The following CREB3L1 variants were observed in gnomAD, a reference collection of about 807,000 sequenced individuals.
CREB3L1 encodes cAMP responsive element binding protein 3 like 1, also known as cyclic AMP-responsive element-binding protein 3-like protein 1.
Under a neutral mutation model 54.5 loss-of-function variants are expected in CREB3L1, and 33 were observed. The observed-to-expected ratio is 0.61, with a 90% CI of 0.46 to 0.81. The LOEUF (loss-of-function observed/expected upper bound fraction) is 0.81. Ranked by LOEUF, CREB3L1 falls within the 30% of genes least tolerant of loss-of-function variation. CREB3L1 has a pLI of 0.00. For missense variants in CREB3L1, 656 were observed against 673.3 expected, an observed-to-expected ratio of 0.97 and a Z score of 0.29; for synonymous variants, 284 against 286.4, an observed-to-expected ratio of 0.99 and a Z score of 0.08.
At chr11:46,287,431 T>C (rs1459508459) in intron 1 of CREB3L1, among the ~76,000 whole-genome samples, 2 of 152,104 alleles carry the variant, frequency 1.3e-5, no homozygotes, top group African/African-American at 4.8e-5. Flanking sequence ...CCTGAGTAGC[T>C]AGGACTACAG....
chr11:46,296,112 G>A (rs1002494141), intron 1 of CREB3L1, among the ~76,000 whole-genome samples: 1 of 152,190 alleles, frequency 6.6e-6, no homozygotes, highest in African/African-American at 2.4e-5. Flanking sequence ...CTCCCCTGAA[G>A]TTCGTGAACT....
At chr11:46,301,157 G>A (rs1369860959) in intron 2 of CREB3L1, among the ~76,000 whole-genome samples, 2 of 149,388 alleles carry the variant, frequency 1.3e-5, no homozygotes, top group East Asian at 2.0e-4. Context: ...TGACAAGAGC[G>A]AAACTCCGTC....
chr11:46,304,540 G>A (rs1939350713), intron 2 of CREB3L1, among the ~76,000 whole-genome samples: 1 of 152,168 alleles, frequency 6.6e-6, no homozygotes, highest in Non-Finnish European at 1.5e-5. Flanking sequence ...AGAAGTGTGA[G>A]CTGCGTCTGA....
intron 1 of CREB3L1, among the ~76,000 whole-genome samples, chr11:46,298,583 C>A (rs1025898935): frequency 6.6e-6 from 1 of 152,008 alleles, no homozygotes; most frequent in East Asian, 1.9e-4. Flanking sequence ...CCTGTAGTCC[C>A]GGCTGCTTGG....
chr11:46,312,847 A>G lies in CREB3L1; in HGVS notation c.963-4A>G. On this transcript the variant is annotated splice_region_variant and splice_polypyrimidine_tract_variant and intron_variant, in intron 7 of 11. Coordinates refer to ENST00000621158, the MANE Select transcript of CREB3L1 (RefSeq NM_052854.4). Reference sequence around the variant, plus strand: ...CTGAGCCTGTGCCTGCTTGGCCCCTACAGGGTGGAGACATTTACATCTGAG... The same window carrying G: ...CTGAGCCTGTGCCTGCTTGGCCCCTGCAGGGTGGAGACATTTACATCTGAG... The G allele has an allele frequency of 6.3e-7, 1 of 1,588,878 alleles. No homozygotes were observed. Among genetic ancestry groups the G allele is most frequent in the Middle Eastern group, 1.7e-4 (1 of 6,036 alleles).
intron 2 of CREB3L1, among the ~76,000 whole-genome samples, chr11:46,301,933 A>C (rs1413302109): frequency 6.6e-6 from 1 of 152,102 alleles, no homozygotes; most frequent in Non-Finnish European, 1.5e-5. Flanking sequence ...CCTGGGTGAC[A>C]GAGTGAGACT....
Position 46,278,826 on chromosome 11 carries a change from C to T in CREB3L1, c.102+613C>T, listed in dbSNP as rs572466249. ...TCAGGAGGAGGGAGCCATTTCTCTC[C>T]ATCTGCCTCTAGATCTCTGCTCTGT... On this transcript the variant is annotated intron_variant, in intron 1 of 11. Transcript: ENST00000621158. This position sits in a 1 kb window ranked among gnomAD's most constrained non-coding sequence, Gnocchi z 4.2. Among the ~76,000 whole-genome samples, 2 of 152,306 alleles carry T rather than the reference C, an allele frequency of 1.3e-5. No homozygotes were observed. The highest frequency in any genetic ancestry group is 3.9e-4 in the East Asian group (2 of 5,180).
At chr11:46,292,257 C>T (rs1239471593) in intron 1 of CREB3L1, among the ~76,000 whole-genome samples, 3 of 152,332 alleles carry the variant, frequency 2.0e-5, no homozygotes, top group East Asian at 3.9e-4. Context: ...GAAACTCTGC[C>T]TGGAGCAGAA....
At position 46,307,896 on chromosome 11, in the gene CREB3L1, G is replaced by T; in HGVS notation, c.412G>T (p.Val138Leu). ...VKQEQSPELP[V>L]DPLAAPSAMA... ...GCAGGAGCAGAGCCCGGAGCTGCCC[G>T]TGGACCCTCTGGCTGCCCCCTCGGC... The change falls in exon 3 of 12, where the codon GTG becomes TTG. Residue 138 changes from valine to leucine, a missense_variant. Val to Leu is a conservative substitution (Grantham distance 32). Around this residue, in one of 3 missense-constraint regions of CREB3L1, gnomAD observed 339 missense variants for 331.5 expected, o/e 1.02. Coordinates refer to ENST00000621158, the MANE Select transcript of CREB3L1 (RefSeq NM_052854.4). 1 of 1,580,630 alleles carries T rather than the reference G, an allele frequency of 6.3e-7. No homozygotes were observed. The highest frequency in any genetic ancestry group is 8.6e-7 in the Non-Finnish European group (1 of 1,163,976).
intron 2 of CREB3L1, 45 bp downstream of exon 2, chr11:46,300,208 C>T (rs1356922499): frequency 6.8e-7 from 1 of 1,464,226 alleles, no homozygotes; most frequent in Non-Finnish European, 9.4e-7. Context: ...CCAGGAGGCC[C>T]AGGAGGGAGG....
chr11:46,277,998 C>G lies in CREB3L1; in HGVS notation c.-114C>G, dbSNP rs1394707497. 1 of 495,002 alleles carries G rather than the reference C, an allele frequency of 2.0e-6. No homozygotes were observed. The highest frequency in any genetic ancestry group is 3.3e-6 in the Non-Finnish European group (1 of 307,490). The allele number at this position is 495,002 out of a possible 1,614,324, so 30.7% of individuals were successfully genotyped here. On this transcript the variant is annotated 5_prime_UTR_variant, in exon 1 of 12. Transcript: ENST00000621158. ...TCCGCCCCTCCCCCGGGGCTTCGCC[C>G]CGGACCTGCCCCCCGCCCGTTTGCC...
chr11:46,280,196 T>G (rs1455388067), intron 1 of CREB3L1, among the ~76,000 whole-genome samples: 30 of 143,036 alleles, frequency 2.1e-4, no homozygotes, highest in South Asian at 2.2e-4. Context: ...TTTTGTTTTT[T>G]GTTTTTTTTC....
Position 46,300,003 on chromosome 11 carries a change from C to G in CREB3L1, c.171C>G (p.Ser57Arg). Residue 57 changes from serine (S) to arginine (R), a missense_variant, in exon 2 of 12, where the codon AGC (serine) becomes AGG (arginine). Ser to Arg is a moderately radical substitution (Grantham distance 110). Coordinates refer to ENST00000621158, the MANE Select transcript of CREB3L1 (RefSeq NM_052854.4). Reference sequence around the variant, plus strand: ...ACTTCTCCAATGACCTGTTCAGCAGCTTCTTTGATGACCCTGTGCTGGATG... The same window carrying G: ...ACTTCTCCAATGACCTGTTCAGCAGGTTCTTTGATGACCCTGTGCTGGATG... ...MEDFSNDLFS[S>R]FFDDPVLDEK... 1 of 1,613,970 alleles carries G rather than the reference C, an allele frequency of 6.2e-7. No individual in the cohort carries two copies. Among genetic ancestry groups the G allele is most frequent in the Non-Finnish European group, 8.5e-7 (1 of 1,179,868 alleles).
chr11:46,285,823 C>G (rs1279816512), intron 1 of CREB3L1, among the ~76,000 whole-genome samples: 1 of 152,238 alleles, frequency 6.6e-6, no homozygotes, highest in Non-Finnish European at 1.5e-5. Context: ...CTCCTCCTCC[C>G]CTTCCAAAAG....
intron 10 of CREB3L1, among the ~76,000 whole-genome samples, chr11:46,318,806 G>C (rs1337619543): frequency 6.6e-6 from 1 of 152,160 alleles, no homozygotes; most frequent in Non-Finnish European, 1.5e-5. Flanking sequence ...GGAAGATTAA[G>C]GAGTGAGTTT....
rs767113113 is a variant in CREB3L1, at chr11:46,312,908, G to A, written c.1020G>A (p.Glu340=). ...TGTGGAAGAAGGTGGAGACCCTGGA[G>A]AATGCCAACAGGTGGGTAGTGCCTC... ...NELWKKVETL[E]NANRTLLQQL... Residue 340 remains glutamate (E), a synonymous_variant, in exon 8 of 12, where the codon GAG becomes GAA. Coordinates refer to ENST00000621158, the MANE Select transcript of CREB3L1 (RefSeq NM_052854.4). 5.0e-6 allele frequency: 8 copies of A among 1,585,642 alleles called. No individual in the cohort carries two copies. The highest frequency in any genetic ancestry group is 1.7e-6 in the Non-Finnish European group (2 of 1,166,334).
intron 8 of CREB3L1, among the ~76,000 whole-genome samples, chr11:46,314,720 T>C (rs1359109922): frequency 6.6e-6 from 1 of 151,514 alleles, no homozygotes; most frequent in Non-Finnish European, 1.5e-5. Context: ...CTTTTTTTTT[T>C]TTTTTGAGAC....
Position 46,278,665 on chromosome 11 carries a change from G to C in CREB3L1, c.102+452G>C, listed in dbSNP as rs954235922. 2.0e-5 allele frequency among the ~76,000 whole-genome samples: 3 copies of C among 152,196 alleles called. No individual in the cohort carries two copies. Among genetic ancestry groups the C allele is most frequent in the Admixed American group, 1.3e-4 (2 of 15,284 alleles). Reference sequence around the variant, plus strand: ...CAGAGGGCCTGAGACCCGACCCCTCGGGGAAGCCAGGCCCAGAAATTTCAG... The same window carrying C: ...CAGAGGGCCTGAGACCCGACCCCTCCGGGAAGCCAGGCCCAGAAATTTCAG... On this transcript the variant is annotated intron_variant, in intron 1 of 11. Transcript: ENST00000621158. This position sits in a 1 kb window ranked among gnomAD's most constrained non-coding sequence, Gnocchi z 4.2.
chr11:46,320,481 C>A lies in CREB3L1; in HGVS notation c.1476C>A (p.Asn492Lys). 6.3e-7 allele frequency: 1 copy of A among 1,596,242 alleles called. No homozygotes were observed. The highest frequency in any genetic ancestry group is 2.3e-5 in the East Asian group (1 of 43,834). ...LSEAWPKDGGNGTSPDFSHSK... is the reference protein window; with the variant it reads ...LSEAWPKDGGKGTSPDFSHSK... ...AGGCCTGGCCTAAAGACGGTGGAAA[C>A]GGCACCAGCCCCGACTTCTCCCACT... The change falls in exon 11 of 12, where the codon AAC becomes AAA. Residue 492 changes from asparagine (N) to lysine (K), a missense_variant. Around this residue, in one of 3 missense-constraint regions of CREB3L1, gnomAD observed 240 missense variants for 219.8 expected, o/e 1.09. Transcript: ENST00000621158.
Sources: gnomAD v4.1 joint callset for allele counts (sites outside exome capture counted in the v4.1 genomes callset) on GRCh38, gnomAD v4.1.1 for gene constraint, gnomAD v4.1.1 regional missense constraint, Gnocchi (gnomAD v3.1) non-coding constraint, MANE v1.5 for transcripts, NCBI Gene and HGNC (gene_info 2026-07-23, HGNC 2026-07-21) for gene names.